Variants in RIMS1 observed in about 807,000 individuals in gnomAD.
The protein encoded by RIMS1 is regulating synaptic membrane exocytosis protein 1.
Under a neutral mutation model 214.1 loss-of-function variants are expected in RIMS1, and 83 were observed. That is an observed-to-expected ratio of 0.39 (90% CI 0.32 to 0.47). The LOEUF is 0.47. Ranked by LOEUF, RIMS1 falls within the 20% of genes least tolerant of loss-of-function variation. The pLI is 0.99. For synonymous variants in RIMS1, 793 were observed against 786.8 expected (o/e 1.01, Z -0.13); for missense variants, 2,050 against 2,161.8 (o/e 0.95, Z 1.03).
intron 6 of RIMS1, among the ~76,000 whole-genome samples, chr6:72,201,678 C>G (rs1266513281): frequency 1.3e-5 from 2 of 152,194 alleles, no homozygotes; most frequent in African/African-American, 4.8e-5. Context: ...ATCTTGTACC[C>G]TCTGAGGACA....
chr6:72,333,251 G>T (rs2096732013), intron 28 of RIMS1, among the ~76,000 whole-genome samples: 2 of 151,724 alleles, frequency 1.3e-5, no homozygotes, highest in Admixed American at 6.6e-5. Flanking sequence ...CTTAATAATT[G>T]AAATATTTTA....
chr6:71,946,774 A>G (rs1246228122), intron 1 of RIMS1, among the ~76,000 whole-genome samples: 1 of 152,092 alleles, frequency 6.6e-6, no homozygotes, highest in African/African-American at 2.4e-5. Context: ...AAAGCAAAAA[A>G]AAAATAGACA....
chr6:71,944,836 T>C (rs891398468), intron 1 of RIMS1, among the ~76,000 whole-genome samples: 2 of 152,300 alleles, frequency 1.3e-5, no homozygotes, highest in African/African-American at 2.4e-5. Context: ...ATCTAGATTA[T>C]AGAAAAAGCT....
chr6:72,274,330 T>C lies in RIMS1; in HGVS notation c.3399-19T>C, dbSNP rs768316843. The C allele has an allele frequency of 6.3e-7, 1 of 1,581,598 alleles. No homozygotes were observed. Among genetic ancestry groups the C allele is most frequent in the Non-Finnish European group, 8.7e-7 (1 of 1,151,880 alleles). On this transcript the variant is annotated intron_variant, in intron 22 of 33. Coordinates refer to ENST00000521978, the MANE Select transcript of RIMS1 (RefSeq NM_014989.7). ...ACTAAATGTCCTGTTTTTTCCTGTC[T>C]TGTTCACTGGGCAAACAGGGGTAGA...
chr6:72,258,354 C>A, intron 17 of RIMS1, 73 bp downstream of exon 17: 1 of 1,337,148 alleles, frequency 7.5e-7, no homozygotes, highest in Non-Finnish European at 1.0e-6. Context: ...TGCTGCAAAA[C>A]TAACTGAAAT....
chr6:72,120,765 C>G (rs1467482148), intron 4 of RIMS1, among the ~76,000 whole-genome samples: 1 of 151,852 alleles, frequency 6.6e-6, no homozygotes, highest in Non-Finnish European at 1.5e-5. Flanking sequence ...AGGTTTTCTT[C>G]TAGGGTTTTT....
In RIMS1 at chr6:72,179,858, T is replaced by C. The variant is rs375426622; in HGVS notation, c.755T>C (p.Leu252Ser). ...SKGAEPSQQA[L>S]GPEQKQASSR... ...GGGGCTGAGCCCTCGCAGCAAGCCT[T>C]GGGGCCTGAACAGAAGCAGGCTTCA... The change falls in exon 5 of 34, where the codon TTG (leucine) becomes TCG (serine). Residue 252 changes from leucine to serine, a missense_variant. Transcript: ENST00000521978. 2.2e-5 allele frequency: 36 copies of C among 1,602,466 alleles called. No individual in the cohort carries two copies. In the African/African-American group the frequency reaches 3.9e-4, roughly 17 times the overall value.
chr6:71,929,354 G>T (rs1479958062), intron 1 of RIMS1, among the ~76,000 whole-genome samples: 1 of 152,098 alleles, frequency 6.6e-6, no homozygotes, highest in Admixed American at 6.6e-5. Flanking sequence ...CATGGGAGCA[G>T]ATAGCTTTTA....
At chr6:72,175,602 G>C (rs1375389481) in intron 4 of RIMS1, among the ~76,000 whole-genome samples, 1 of 152,014 alleles carries the variant, frequency 6.6e-6, no homozygotes, top group South Asian at 2.1e-4. Context: ...GAACCCAAGA[G>C]GCGGAGGTTG....
At chr6:72,284,170 A>C in intron 24 of RIMS1, 52 bp downstream of exon 24, 1 of 1,453,328 alleles carries the variant, frequency 6.9e-7, no homozygotes, top group Non-Finnish European at 9.6e-7. Flanking sequence ...GAATATATTT[A>C]GGGGTGCTGT....
intron 4 of RIMS1, among the ~76,000 whole-genome samples, chr6:72,108,266 GTA>G (rs60488687): frequency 0.4 from 60,711 of 151,644 alleles, 12,465 homozygotes; most frequent in Admixed American, 0.45. Context: ...GTGTGTGTGT[GTA>G]TGTGGAGACT....
intron 4 of RIMS1, among the ~76,000 whole-genome samples, chr6:72,179,027 A>AAT (rs2153966675): frequency 6.6e-6 from 1 of 152,296 alleles, no homozygotes; most frequent in South Asian, 2.1e-4. Flanking sequence ...AACTAGAGAA[A>AAT]ATATACACAT....
At chr6:72,228,734 C>G (rs2061043036) in intron 6 of RIMS1, among the ~76,000 whole-genome samples, 1 of 151,866 alleles carries the variant, frequency 6.6e-6, no homozygotes, top group Non-Finnish European at 1.5e-5. Context: ...AAAGTTTATA[C>G]TGTTTTCCAT....
rs2069292951 is a variant in RIMS1, at chr6:72,245,845, C to T, written c.2112C>T (p.His704=). ...TTCCCCGGATTCCTGAGAGCTCCCA[C>T]CCTCCACTGGAGTCCAGTGAGTATA... ...GDIPRIPESS[H]PPLESSSSSF... The change falls in exon 11 of 34, where the codon CAC becomes CAT. Residue 704 remains histidine, a synonymous_variant. Transcript: ENST00000521978. 4 of 1,607,162 alleles carry T rather than the reference C, an allele frequency of 2.5e-6. No individual in the cohort carries two copies. The highest frequency in any genetic ancestry group is 3.4e-6 in the Non-Finnish European group (4 of 1,173,934).
At chr6:72,070,260 G>T (rs552451191) in intron 2 of RIMS1, among the ~76,000 whole-genome samples, 67 of 152,034 alleles carry the variant, frequency 4.4e-4, no homozygotes, top group African/African-American at 1.6e-3. Flanking sequence ...ATGTAAAATG[G>T]AAAATCATGA....
At position 72,266,154 on chromosome 6, in the gene RIMS1, A is replaced by G. The variant is rs16882234; in HGVS notation, c.3398+105A>G. ...GCCTTACAGGTTTATTCATTCATGT[A>G]TACTTTGCTAACTGTCTACATTTCC... is the stretch of plus-strand genomic sequence containing the variant. On this transcript the variant is annotated intron_variant, in intron 22 of 33. Coordinates refer to ENST00000521978, the MANE Select transcript of RIMS1 (RefSeq NM_014989.7). 2.0e-3 allele frequency: 1,632 copies of G among 811,610 alleles called. 14 individuals carry two copies. Among genetic ancestry groups the G allele is most frequent in the African/African-American group, 0.016 (923 of 59,150 alleles). 50.3% of individuals were successfully genotyped at this position (811,610 alleles called of 1,614,324 possible).
chr6:72,008,894 T>C (rs1269190185), intron 2 of RIMS1, among the ~76,000 whole-genome samples: 4 of 152,104 alleles, frequency 2.6e-5, no homozygotes, highest in Non-Finnish European at 4.4e-5. Flanking sequence ...AACACCCCAC[T>C]GTCAACATTA....
At chr6:72,335,456 T>A (rs2096810505) in intron 29 of RIMS1, among the ~76,000 whole-genome samples, 1 of 152,068 alleles carries the variant, frequency 6.6e-6, no homozygotes, top group African/African-American at 2.4e-5. Flanking sequence ...TGCCACATTT[T>A]CTTTACCTAG....
At chr6:71,927,344 G>T (rs1272217670) in intron 1 of RIMS1, among the ~76,000 whole-genome samples, 1 of 152,044 alleles carries the variant, frequency 6.6e-6, no homozygotes, top group African/African-American at 2.4e-5. Context: ...ACAATTTTGT[G>T]CAATGGTTTG....
Sources: gnomAD v4.1 joint callset for allele counts (sites outside exome capture counted in the v4.1 genomes callset) on GRCh38, gnomAD v4.1.1 for gene constraint, MANE v1.5 for transcripts, NCBI Gene and HGNC (gene_info 2026-07-23, HGNC 2026-07-21) for gene names.